The following PCDH11Y variants were observed in gnomAD, a reference collection of about 807,000 sequenced individuals.
PCDH11Y encodes the protein protocadherin 11 Y-linked.
For synonymous variants in PCDH11Y, 9 were observed against 83.6 expected (o/e 0.11, Z 4.87); for missense variants, 12 against 224.8 (o/e 0.05, Z 6.05).
chrY:5,088,297 A>T, intron 1 of PCDH11Y, among the ~76,000 whole-genome samples: 1 of 32,663 alleles, frequency 3.1e-5, no homozygotes, highest in Non-Finnish European at 7.5e-5. Context: ...AACCACCCAT[A>T]ATCATTTTTA....
chrY:5,123,377 ATGT>A (rs2052821447), intron 2 of PCDH11Y, among the ~76,000 whole-genome samples: 1 of 33,343 alleles, frequency 3.0e-5, no homozygotes. Flanking sequence ...TAGGCAAGTA[ATGT>A]TGTCACATCA....
chrY:5,671,950 T>A, intron 4 of PCDH11Y, among the ~76,000 whole-genome samples: 1 of 32,716 alleles, frequency 3.1e-5, no homozygotes, highest in South Asian at 6.6e-4. Flanking sequence ...TCTTTGAGGG[T>A]TTTTAATCAT....
At chrY:5,439,177 T>C (rs2053277996) in intron 2 of PCDH11Y, among the ~76,000 whole-genome samples, 1 of 33,599 alleles carries the variant, frequency 3.0e-5, no homozygotes, top group Non-Finnish European at 7.4e-5. Context: ...AGTCTGCCAT[T>C]GATAGGCACC....
intron 2 of PCDH11Y, among the ~76,000 whole-genome samples, chrY:5,306,888 A>G: frequency 6.8e-5 from 2 of 29,203 alleles, no homozygotes; most frequent in African/African-American, 2.6e-4. Context: ...AGATTAAACC[A>G]TCACTTTCCA....
At chrY:5,213,175 A>G in intron 2 of PCDH11Y, among the ~76,000 whole-genome samples, 1 of 16,247 alleles carries the variant, frequency 6.2e-5, no homozygotes, top group Admixed American at 6.7e-4. Context: ...AGAAGTGTGT[A>G]GCTGATTATG....
At chrY:5,575,807 T>A (rs2124696872) in intron 3 of PCDH11Y, among the ~76,000 whole-genome samples, 1 of 32,899 alleles carries the variant, frequency 3.0e-5, no homozygotes, top group East Asian at 8.0e-4. Context: ...CTTGGAGGCA[T>A]GTATTTTGTC....
chrY:5,385,881 G>C lies in PCDH11Y; in HGVS notation c.3130-115176G>C, dbSNP rs2053214207. 5.8e-4 allele frequency among the ~76,000 whole-genome samples: 19 copies of C among 33,017 alleles called. No homozygotes were observed. In the South Asian group the frequency reaches 8.7e-3, roughly 15 times the overall value. 88.6% of individuals were successfully genotyped at this position (33,017 alleles called of 37,273 possible). ...TTCTTTTTTTATTTCTTGTTAATTT[G>C]AGTTCCTTGTAGATTCTGGATATTA... is the stretch of plus-strand genomic sequence containing the variant. On this transcript the variant is annotated intron_variant, in intron 2 of 4. Coordinates refer to the PCDH11Y transcript ENST00000400457.
intron 2 of PCDH11Y, among the ~76,000 whole-genome samples, chrY:5,435,075 C>T (rs2053272795): frequency 3.0e-5 from 1 of 33,224 alleles, no homozygotes. Context: ...CACTTTGGGG[C>T]GAAGACCTTA....
chrY:5,134,966 C>T (rs373604560), intron 2 of PCDH11Y, among the ~76,000 whole-genome samples: 1 of 33,724 alleles, frequency 3.0e-5, no homozygotes, highest in Non-Finnish European at 7.4e-5. Flanking sequence ...TGTGAGAGGG[C>T]GAAAGGAAAA....
chrY:5,383,272 C>T, intron 2 of PCDH11Y, among the ~76,000 whole-genome samples: 1 of 32,091 alleles, frequency 3.1e-5, no homozygotes, highest in South Asian at 7.2e-4. Flanking sequence ...TAAATACTTG[C>T]ACTTCATAAG....
chrY:5,369,501 C>A, intron 2 of PCDH11Y, among the ~76,000 whole-genome samples: 1 of 33,340 alleles, frequency 3.0e-5, no homozygotes, highest in Non-Finnish European at 7.4e-5. Context: ...AATTAAACCT[C>A]TTTTTCTTCC....
intron 2 of PCDH11Y, among the ~76,000 whole-genome samples, chrY:5,420,691 A>G (rs2053256785): frequency 6.7e-5 from 2 of 30,045 alleles, no homozygotes; most frequent in Admixed American, 6.4e-4. Context: ...AGAATAGAAA[A>G]ACAATAGAGA....
chrY:5,215,670 C>G, intron 2 of PCDH11Y, among the ~76,000 whole-genome samples: 1 of 31,754 alleles, frequency 3.1e-5, no homozygotes, highest in Non-Finnish European at 7.6e-5. Context: ...TTGCTACTTT[C>G]TGCACAATCT....
chrY:5,047,938 C>T (rs1602849761), intron 3 of PCDH11Y, among the ~76,000 whole-genome samples: 34 of 13,097 alleles, frequency 2.6e-3, no homozygotes, highest in African/African-American at 8.8e-3. Flanking sequence ...TATGCATGTG[C>T]GGGTTTGTTA....
intron 3 of PCDH11Y, among the ~76,000 whole-genome samples, chrY:5,563,703 T>C: frequency 3.1e-5 from 1 of 31,952 alleles, no homozygotes; most frequent in Admixed American, 2.9e-4. Flanking sequence ...ATTTTATTGG[T>C]AAGCACATAA....
At chrY:5,697,654 GCTTT>G (rs2053573510) in intron 4 of PCDH11Y, among the ~76,000 whole-genome samples, 1 of 30,173 alleles carries the variant, frequency 3.3e-5, no homozygotes, top group African/African-American at 1.3e-4. Flanking sequence ...GCTTTTTTCT[GCTTT>G]CTATTTGCTT....
chrY:5,116,243 A>G (rs2052810731), intron 2 of PCDH11Y, among the ~76,000 whole-genome samples: 1 of 34,004 alleles, frequency 2.9e-5, no homozygotes, highest in East Asian at 7.9e-4. Flanking sequence ...TACATGTTTT[A>G]TAAAAAATCG....
At chrY:5,380,757 T>C in intron 2 of PCDH11Y, among the ~76,000 whole-genome samples, 2 of 30,823 alleles carry the variant, frequency 6.5e-5, no homozygotes, top group Non-Finnish European at 1.6e-4. Flanking sequence ...CGGCTAATTT[T>C]TTTTTGTATT....
intron 4 of PCDH11Y, among the ~76,000 whole-genome samples, chrY:5,582,114 T>C (rs2053451478): frequency 3.3e-5 from 1 of 30,252 alleles, no homozygotes; most frequent in Admixed American, 3.2e-4. Context: ...TTATTATTCA[T>C]TTCTCTCCTC....
Sources: gnomAD v4.1 joint callset for allele counts (sites outside exome capture counted in the v4.1 genomes callset) on GRCh38, gnomAD v4.1.1 for gene constraint, MANE v1.5 for transcripts, NCBI Gene and HGNC (gene_info 2026-07-23, HGNC 2026-07-21) for gene names.